STARD10: variants seen among roughly 807,000 people sequenced by gnomAD.
The protein encoded by STARD10 is StAR related lipid transfer domain containing 10, also known as START domain-containing protein 10.
STARD10 carries 24 observed loss-of-function variants against 36.0 expected under a neutral mutation model. The observed-to-expected ratio is 0.67, with a 90% CI of 0.48 to 0.94. STARD10 has a LOEUF of 0.94. Among genes scored for constraint, STARD10 ranks in the 40% least tolerant of loss-of-function variants. The pLI, the probability that STARD10 is intolerant of heterozygous loss-of-function variation, is 0.00. For missense variants in STARD10, 335 were observed against 396.6 expected (o/e 0.84, Z 1.32); for synonymous variants, 156 against 161.9 (o/e 0.96, Z 0.28).
At chr11:72,791,102 A>C (rs184433564) in intron 1 of STARD10, among the ~76,000 whole-genome samples, 7 of 152,320 alleles carry the variant, frequency 4.6e-5, no homozygotes, top group African/African-American at 1.7e-4. Context: ...AACAGGTCTT[A>C]ACTCATTTAA....
At chr11:72,773,649 C>T (rs1039889311) in intron 2 of STARD10, among the ~76,000 whole-genome samples, 3 of 152,166 alleles carry the variant, frequency 2.0e-5, no homozygotes, top group African/African-American at 7.2e-5. Context: ...AAACCCAGCA[C>T]CTGCCCCTGA....
At chr11:72,780,806 G>T in intron 2 of STARD10, 169 bp downstream of exon 2, 1 of 702,148 alleles carries the variant, frequency 1.4e-6, no homozygotes. Flanking sequence ...GCCCATCTGT[G>T]TGATGGGGCT....
At chr11:72,777,249 C>T (rs1719562798) in intron 2 of STARD10, among the ~76,000 whole-genome samples, 1 of 152,262 alleles carries the variant, frequency 6.6e-6, no homozygotes, top group South Asian at 2.1e-4. Flanking sequence ...AGCATCCAGG[C>T]CAGGGCCTCA....
intron 2 of STARD10, among the ~76,000 whole-genome samples, chr11:72,760,132 A>C (rs1375348263): frequency 1.3e-5 from 2 of 151,936 alleles, no homozygotes; most frequent in Non-Finnish European, 2.9e-5. Flanking sequence ...CAATCTCTTG[A>C]CCTTGTGATC....
chr11:72,781,091 G>C lies in STARD10; in HGVS notation c.91C>G (p.Arg31Gly). 6.2e-7 allele frequency: 1 copy of C among 1,614,054 alleles called. No homozygotes were observed. The highest frequency in any genetic ancestry group is 1.3e-5 in the African/African-American group (1 of 75,066). Reference protein sequence around the residue: ...SVQVPDDQDFRSFRSECEAEV... With the variant: ...SVQVPDDQDFGSFRSECEAEV... The stretch of plus-strand genomic sequence containing the variant: ...GCCTCACACTCTGACCGGAAGCTGC[G>C]AAAGTCTTGGTCATCGGGCACCTGG... The change falls in exon 2 of 7, where the codon CGC (arginine) becomes GGC (glycine). Residue 31 changes from arginine to glycine, a missense_variant. Physicochemically the swap from Arg to Gly is moderately radical, Grantham distance 125. Coordinates refer to ENST00000334805, the MANE Select transcript of STARD10 (RefSeq NM_006645.3). The surrounding 1 kb of genome is among the most constrained non-coding windows in gnomAD (Gnocchi z 4.7).
intron 2 of STARD10, among the ~76,000 whole-genome samples, chr11:72,778,473 C>G (rs1858953851): frequency 6.6e-6 from 1 of 152,210 alleles, no homozygotes; most frequent in African/African-American, 2.4e-5. Flanking sequence ...GCTCACAGGC[C>G]TCTGTCCATC....
intron 5 of STARD10, among the ~76,000 whole-genome samples, chr11:72,757,082 T>C (rs1416409771): frequency 6.8e-6 from 1 of 147,200 alleles, no homozygotes; most frequent in Non-Finnish European, 1.5e-5. Context: ...GAGGCAGAGG[T>C]TGCAGTGAGC....
At chr11:72,769,759 A>G (rs1045438179) in intron 2 of STARD10, among the ~76,000 whole-genome samples, 3 of 152,246 alleles carry the variant, frequency 2.0e-5, no homozygotes, top group African/African-American at 7.2e-5. Flanking sequence ...ATATTATTGA[A>G]TTTGCAATTA....
chr11:72,781,089 G>T lies in STARD10; in HGVS notation c.93C>A (p.Arg31=), dbSNP rs745710994. Residue 31 remains arginine, a synonymous_variant, in exon 2 of 7, where the codon CGC becomes CGA. Transcript: ENST00000334805. The surrounding 1 kb of genome is among the most constrained non-coding windows in gnomAD (Gnocchi z 4.7). ...CAGCCTCACACTCTGACCGGAAGCT[G>T]CGAAAGTCTTGGTCATCGGGCACCT... ...SVQVPDDQDF[R]SFRSECEAEV... is the part of the protein sequence containing the mutation. The T allele has an allele frequency of 1.2e-5, 19 of 1,613,954 alleles. No homozygotes were observed. The highest frequency in any genetic ancestry group is 1.5e-5 in the Non-Finnish European group (18 of 1,180,036).
intron 1 of STARD10, among the ~76,000 whole-genome samples, chr11:72,788,497 G>A (rs953692289): frequency 4.6e-5 from 7 of 152,110 alleles, no homozygotes; most frequent in African/African-American, 1.4e-4. Context: ...TGCCTTGGGT[G>A]TAAGATTACC....
intron 2 of STARD10, among the ~76,000 whole-genome samples, chr11:72,770,864 G>A (rs1254217606): frequency 6.6e-6 from 1 of 152,164 alleles, no homozygotes; most frequent in Non-Finnish European, 1.5e-5. Flanking sequence ...GCATGGACTG[G>A]TTGGGGGAAG....
chr11:72,754,940 C>T lies in STARD10; in HGVS notation c.833G>A (p.Gly278Asp), dbSNP rs779705766. Residue 278 changes from glycine to aspartate, a missense_variant, in exon 7 of 7, where the codon GGC becomes GAC. By Grantham distance (94) the Gly-to-Asp change is moderately conservative (BLOSUM62 -1). Transcript: ENST00000334805. ...GTCGTCGCTGCCCTCGCCGCCCGCG[C>T]CGCCCATCCGCTCCTCTCTGCTCTC... ...VAESREERMG[G>D]AGGEGSDDDT... The T allele has an allele frequency of 2.5e-6, 4 of 1,603,958 alleles. No homozygotes were observed. In the South Asian group the frequency reaches 3.3e-5, roughly 13 times the overall value.
At chr11:72,760,309 C>T (rs759893387) in intron 2 of STARD10, among the ~76,000 whole-genome samples, 4 of 152,130 alleles carry the variant, frequency 2.6e-5, no homozygotes, top group Non-Finnish European at 5.9e-5. Context: ...TCACTGCAAG[C>T]TCTGCCTTCC....
chr11:72,754,839 G>A lies in STARD10; in HGVS notation c.*58C>T, dbSNP rs1858617457. 5.8e-6 allele frequency: 9 copies of A among 1,554,656 alleles called. No homozygotes were observed. Among genetic ancestry groups the A allele is most frequent in the Admixed American group, 1.8e-5 (1 of 56,198 alleles). On this transcript the variant is annotated 3_prime_UTR_variant, in exon 7 of 7. Coordinates refer to ENST00000334805, the MANE Select transcript of STARD10 (RefSeq NM_006645.3). ...GTGGGGGAGGGGAGAAAGTGCAGGAGCGGCCGCCGCCCCAGGGCTCGCCCG... is the reference window on the plus strand; with the variant it reads ...GTGGGGGAGGGGAGAAAGTGCAGGAACGGCCGCCGCCCCAGGGCTCGCCCG...
Position 72,779,489 on chromosome 11 carries a change from G to T in STARD10, c.207+1486C>A, listed in dbSNP as rs998289334. Among the ~76,000 whole-genome samples, 3 of 152,168 alleles carry T rather than the reference G, an allele frequency of 2.0e-5. No individual in the cohort carries two copies. The East Asian group carries it at 5.8e-4, about 29-fold the overall frequency. On this transcript the variant is annotated intron_variant, in intron 2 of 6. Coordinates refer to ENST00000334805, the MANE Select transcript of STARD10 (RefSeq NM_006645.3). ...CACCAGCAGTCCCAGCTACTGCTGG[G>T]AGGCAGGAGAATCACTTGAACCTGG...
chr11:72,784,007 C>T (rs554165369), intron 1 of STARD10, among the ~76,000 whole-genome samples: 2 of 152,244 alleles, frequency 1.3e-5, no homozygotes, highest in South Asian at 4.1e-4. Context: ...TCCCCTGGGT[C>T]CTAGGTTTAG....
At chr11:72,756,033 G>A (rs1244292501) in intron 5 of STARD10, 2 of 294,362 alleles carry the variant, frequency 6.8e-6, no homozygotes, top group Non-Finnish European at 1.3e-5. Context: ...ATACATGGGT[G>A]GAAACTCTGA....
intron 1 of STARD10, among the ~76,000 whole-genome samples, chr11:72,785,640 C>T (rs1859062758): frequency 6.6e-6 from 1 of 151,684 alleles, no homozygotes; most frequent in Admixed American, 6.6e-5. Context: ...CTGTTCCTCC[C>T]ACCCCGTATT....
intron 2 of STARD10, among the ~76,000 whole-genome samples, chr11:72,775,386 TC>T (rs1025204364): frequency 6.6e-6 from 1 of 152,058 alleles, no homozygotes; most frequent in African/African-American, 2.4e-5. Flanking sequence ...CCTCTAAGAC[TC>T]AAGGCGTGGG....
Sources: allele counts gnomAD v4.1 joint callset (sites outside exome capture counted in the v4.1 genomes callset), GRCh38; gene constraint gnomAD v4.1.1; non-coding constraint Gnocchi (gnomAD v3.1); transcripts MANE v1.5; gene names NCBI Gene and HGNC (gene_info 2026-07-23, HGNC 2026-07-21).